Variants in RMST observed in about 807,000 individuals in gnomAD.
RMST encodes the protein long intergenic non-protein coding RNA 54.
chr12:97,469,504 C>T (rs1461765349), intron 5 of RMST, among the ~76,000 whole-genome samples: 1 of 151,906 alleles, frequency 6.6e-6, no homozygotes, highest in Non-Finnish European at 1.5e-5. Flanking sequence ...GTGCTAAGAC[C>T]TTTACCTTCA....
chr12:97,553,146 G>C (rs1397096815), intron 11 of RMST, among the ~76,000 whole-genome samples: 2 of 152,094 alleles, frequency 1.3e-5, no homozygotes, highest in Non-Finnish European at 1.5e-5. Context: ...TAAAATAAAA[G>C]ACCTATAATG....
At chr12:97,520,466 T>C (rs557406487) in intron 10 of RMST, among the ~76,000 whole-genome samples, 2 of 152,326 alleles carry the variant, frequency 1.3e-5, no homozygotes, top group East Asian at 3.9e-4. Flanking sequence ...TTCCTCTTAA[T>C]GCAGTCTTCC....
At chr12:97,551,227 AGTCCT>A (rs1883288152) in intron 11 of RMST, among the ~76,000 whole-genome samples, 2 of 151,796 alleles carry the variant, frequency 1.3e-5, no homozygotes, top group Non-Finnish European at 2.9e-5. Context: ...AAACCTCCTT[AGTCCT>A]CTTGGTAATT....
chr12:97,523,754 C>T lies in RMST; in HGVS notation n.1341-6901C>T, dbSNP rs115761984. ...TGAGAAATATTTAAGTGCTGTTCAG[C>T]AAGGTAAGCATGAGAAAGAGAAGAT... On this transcript the variant is annotated intron_variant and non_coding_transcript_variant, in intron 10 of 13. Coordinates refer to ENST00000640149, the Ensembl canonical transcript of RMST. 5.9e-3 allele frequency among the ~76,000 whole-genome samples: 890 copies of T among 152,078 alleles called. 6 individuals carry two copies. The highest frequency in any genetic ancestry group is 0.02 in the African/African-American group (813 of 41,478).
chr12:97,507,644 A>G (rs1380505905), intron 10 of RMST, among the ~76,000 whole-genome samples: 1 of 152,228 alleles, frequency 6.6e-6, no homozygotes, highest in African/African-American at 2.4e-5. Flanking sequence ...AATATTGTTT[A>G]AAATGCCTCT....
chr12:97,538,366 C>A (rs1204349745), intron 11 of RMST, among the ~76,000 whole-genome samples: 1 of 151,324 alleles, frequency 6.6e-6, no homozygotes, highest in East Asian at 1.9e-4. Context: ...TAATGCATGA[C>A]CTGCTTTGCT....
At chr12:97,512,855 TCCGGGCTGCACAGGAG>T (rs1433549142) in intron 10 of RMST, among the ~76,000 whole-genome samples, 1 of 152,114 alleles carries the variant, frequency 6.6e-6, no homozygotes, top group Non-Finnish European at 1.5e-5. Context: ...TCGGGGAGGC[TCCGGGCTGCACAGGAG>T]CCCACGGAGG....
intron 5 of RMST, among the ~76,000 whole-genome samples, chr12:97,482,205 G>A (rs770628522): frequency 1.3e-5 from 2 of 152,120 alleles, no homozygotes; most frequent in Admixed American, 6.5e-5. Flanking sequence ...AACGTCTTGG[G>A]GATTGGCAAA....
chr12:97,491,843 C>A, intron 5 of RMST: 1 of 479,362 alleles, frequency 2.1e-6, no homozygotes. Flanking sequence ...ATCAAATGTT[C>A]AGTAATTTCA....
chr12:97,484,185 T>C (rs1196449301), intron 5 of RMST, among the ~76,000 whole-genome samples: 2 of 152,184 alleles, frequency 1.3e-5, no homozygotes, highest in Non-Finnish European at 2.9e-5. Context: ...TCCTCAGTTC[T>C]TACAGTGATA....
At chr12:97,505,052 G>A (rs1007412470) in intron 10 of RMST, among the ~76,000 whole-genome samples, 1 of 152,174 alleles carries the variant, frequency 6.6e-6, no homozygotes, top group Non-Finnish European at 1.5e-5. Context: ...CATGGCTTAT[G>A]AAAGATTTTA....
intron 5 of RMST, among the ~76,000 whole-genome samples, chr12:97,473,421 T>A (rs1024254901): frequency 6.6e-6 from 1 of 152,144 alleles, no homozygotes; most frequent in African/African-American, 2.4e-5. Context: ...GGTGCCCTTA[T>A]TCAACTTTGC....
intron 10 of RMST, among the ~76,000 whole-genome samples, chr12:97,512,375 G>A (rs527665336): frequency 1.1e-4 from 17 of 152,226 alleles, no homozygotes; most frequent in Non-Finnish European, 1.9e-4. Context: ...AAGGGGACCC[G>A]AGCCGGTTAA....
chr12:97,469,801 G>A (rs1195338351), intron 5 of RMST, among the ~76,000 whole-genome samples: 4 of 152,034 alleles, frequency 2.6e-5, no homozygotes, highest in East Asian at 1.9e-4. Context: ...CCAAGTCAAC[G>A]TCCTTAGAAT....
At chr12:97,479,953 T>C (rs1024481512) in intron 5 of RMST, among the ~76,000 whole-genome samples, 2 of 152,198 alleles carry the variant, frequency 1.3e-5, no homozygotes, top group African/African-American at 4.8e-5. Context: ...TCTCATTTTG[T>C]GGCACTGCTG....
chr12:97,493,694 A>T (rs1351122295), intron 7 of RMST, among the ~76,000 whole-genome samples: 1 of 152,164 alleles, frequency 6.6e-6, no homozygotes, highest in East Asian at 1.9e-4. Flanking sequence ...AATCACAATC[A>T]CACTTACAAA....
At chr12:97,468,061 G>A (rs896988572) in intron 5 of RMST, among the ~76,000 whole-genome samples, 2 of 151,950 alleles carry the variant, frequency 1.3e-5, no homozygotes, top group African/African-American at 4.8e-5. Context: ...CTCTTAGATA[G>A]CTAGTAAAAA....
At chr12:97,535,821 G>A (rs567705120) in intron 11 of RMST, among the ~76,000 whole-genome samples, 7 of 151,728 alleles carry the variant, frequency 4.6e-5, no homozygotes, top group Admixed American at 3.9e-4. Flanking sequence ...AGAAGAGGGA[G>A]TTTAGAGTGC....
intron 10 of RMST, among the ~76,000 whole-genome samples, chr12:97,527,920 C>T (rs1881271702): frequency 6.6e-6 from 1 of 151,768 alleles, no homozygotes; most frequent in South Asian, 2.1e-4. Context: ...AGGTGTAGCA[C>T]AAATATGTCA....
Sources: allele counts gnomAD v4.1 joint callset (sites outside exome capture counted in the v4.1 genomes callset), GRCh38; gene constraint gnomAD v4.1.1; transcripts MANE v1.5; gene names NCBI Gene and HGNC (gene_info 2026-07-23, HGNC 2026-07-21).